TMTC3: variants seen among roughly 807,000 people sequenced by gnomAD.
TMTC3 encodes transmembrane O-mannosyltransferase targeting cadherins 3.
In TMTC3, 52 loss-of-function variants were observed where a neutral mutation model predicts 92.2. That is an observed-to-expected ratio of 0.56 (90% CI 0.45 to 0.71). The LOEUF is 0.71. Among genes scored for constraint, TMTC3 ranks in the 30% least tolerant of loss-of-function variants. The pLI is 0.00. For synonymous variants in TMTC3, 339 were observed against 363.3 expected, an observed-to-expected ratio of 0.93 and a Z score of 0.76; for missense variants, 896 against 1,057.1, an observed-to-expected ratio of 0.85 and a Z score of 2.11.
chr12:88,174,701 T>C lies in TMTC3; in HGVS notation c.1294T>C (p.Tyr432His). Residue 432 changes from tyrosine (Y) to histidine (H), a missense_variant, in exon 9 of 14, where the codon TAT becomes CAT. Tyr to His is a moderately conservative substitution (Grantham distance 83, BLOSUM62 2). Transcript: ENST00000266712. ...CAGAAATTGGGATTGGGAGTCTGAA[T>C]ATACATTGTTTATGTCAGCCTTGAA... ...FHRNWDWESE[Y>H]TLFMSALKVN... 1 of 1,612,606 alleles carries C rather than the reference T, an allele frequency of 6.2e-7. No homozygotes were observed. The highest frequency in any genetic ancestry group is 8.5e-7 in the Non-Finnish European group (1 of 1,179,016).
intron 4 of TMTC3, among the ~76,000 whole-genome samples, chr12:88,157,865 G>C (rs950502491): frequency 6.6e-6 from 1 of 152,144 alleles, no homozygotes; most frequent in Admixed American, 6.5e-5. Context: ...ACTAGAGGCT[G>C]AAGAACTGAA....
intron 8 of TMTC3, among the ~76,000 whole-genome samples, chr12:88,173,596 T>C (rs2041228355): frequency 6.6e-6 from 1 of 152,062 alleles, no homozygotes; most frequent in Non-Finnish European, 1.5e-5. Flanking sequence ...TTTTTCAAAG[T>C]CTTATGGCCA....
chr12:88,171,459 G>A (rs1260463653), intron 7 of TMTC3, among the ~76,000 whole-genome samples: 1 of 152,076 alleles, frequency 6.6e-6, no homozygotes, highest in Non-Finnish European at 1.5e-5. Context: ...TGCGTTGTTT[G>A]TCTTTCTGTG....
Position 88,154,312 on chromosome 12 carries a change from G to T in TMTC3, c.433G>T (p.Glu145Ter). ...EAVTGVVGRAELLSSIFFLAA... is the reference protein window; with the variant it reads ...EAVTGVVGRA ...GGTAACAGGAGTTGTTGGAAGAGCA[G>T]AACTTTTGTCATCTATCTTTTTTCT... Residue 145 changes from glutamate to a stop codon, truncating the protein, a stop_gained, in exon 4 of 14, where the codon GAA (glutamate) becomes TAA (stop). Transcript: ENST00000266712. LOFTEE classifies it high-confidence loss of function. 6.2e-7 allele frequency: 1 copy of T among 1,606,808 alleles called. No individual in the cohort carries two copies. The highest frequency in any genetic ancestry group is 1.1e-5 in the South Asian group (1 of 89,594).
chr12:88,198,307 A>C lies in TMTC3; in HGVS notation c.*2658A>C. ...TGGTTCAGAGTTCTGATCATATGGA[A>C]GTTTGGAAAAGAGAGCTTATCACAG... On this transcript the variant is annotated 3_prime_UTR_variant, in exon 14 of 14. Coordinates refer to ENST00000266712, the MANE Select transcript of TMTC3 (RefSeq NM_181783.4). 2.5e-6 allele frequency: 1 copy of C among 397,876 alleles called. No homozygotes were observed. The allele number at this position is 397,876 out of a possible 1,614,324, so 24.6% of individuals were successfully genotyped here. A position where few individuals can be genotyped will look rare whatever the true frequency, so the allele number is the denominator to read the frequency against.
chr12:88,197,310 CCAG>C lies in TMTC3; in HGVS notation c.*1662_*1664del, dbSNP rs2041526185. The stretch of plus-strand genomic sequence containing the variant: ...AGGTAGTTTAAAGCAAGCACTGATA[CCAG>C]TGGGAGTTGGTCTTGATCTAGGAGA... On this transcript the variant is annotated 3_prime_UTR_variant, in exon 14 of 14. Transcript: ENST00000266712. 7.2e-6 allele frequency: 1 copy of C among 138,800 alleles called. No individual in the cohort carries two copies. The highest frequency in any genetic ancestry group is 2.7e-5 in the African/African-American group (1 of 36,754). 8.6% of individuals were successfully genotyped at this position (138,800 alleles called of 1,614,324 possible). A position where few individuals can be genotyped will look rare whatever the true frequency, so the allele number is the denominator to read the frequency against.
intron 6 of TMTC3, among the ~76,000 whole-genome samples, chr12:88,161,483 G>C (rs927670316): frequency 1.4e-4 from 22 of 151,954 alleles, no homozygotes; most frequent in Middle Eastern, 6.8e-3. Flanking sequence ...ATACAATTTG[G>C]TCTTCTTTTG....
chr12:88,172,555 A>T (rs778274647), intron 7 of TMTC3, 42 bp from the exon 8 acceptor site: 28 of 1,108,252 alleles, frequency 2.5e-5, no homozygotes, highest in Non-Finnish European at 2.3e-5. Flanking sequence ...AAATTATTTT[A>T]AATTTATTAT....
chr12:88,150,743 T>G (rs1038496897), intron 2 of TMTC3, among the ~76,000 whole-genome samples: 3 of 152,166 alleles, frequency 2.0e-5, no homozygotes, highest in Non-Finnish European at 4.4e-5. Flanking sequence ...ATTAGCATAT[T>G]CAAAGATCTA....
chr12:88,148,141 G>A lies in TMTC3; in HGVS notation c.-28-147G>A, dbSNP rs192581234. The A allele has an allele frequency of 1.6e-3, 871 of 544,882 alleles. 4 individuals carry two copies. Among genetic ancestry groups the A allele is most frequent in the African/African-American group, 0.015 (776 of 52,284 alleles). 33.8% of individuals were successfully genotyped at this position (544,882 alleles called of 1,614,324 possible). A position where few individuals can be genotyped will look rare whatever the true frequency, so the allele number is the denominator to read the frequency against. On this transcript the variant is annotated intron_variant, in intron 1 of 13. Transcript: ENST00000266712. Reference sequence around the variant, plus strand: ...AGATGGGGCTGAGTTTCAACAATGTGACTAGCTTATGCTTCTTAGAAGTGG... The same window carrying A: ...AGATGGGGCTGAGTTTCAACAATGTAACTAGCTTATGCTTCTTAGAAGTGG...
intron 4 of TMTC3, among the ~76,000 whole-genome samples, chr12:88,156,162 T>A (rs1592726195): frequency 6.6e-6 from 1 of 152,186 alleles, no homozygotes; most frequent in Non-Finnish European, 1.5e-5. Context: ...TAATTCTGAT[T>A]TAGTAGTATA....
chr12:88,145,934 G>T (rs901301926), intron 1 of TMTC3, among the ~76,000 whole-genome samples: 4 of 152,060 alleles, frequency 2.6e-5, no homozygotes, highest in Middle Eastern at 3.2e-3. Context: ...TGGATTTTGT[G>T]CACATATATA....
intron 1 of TMTC3, among the ~76,000 whole-genome samples, chr12:88,145,510 T>G (rs1377156556): frequency 2.0e-5 from 3 of 152,210 alleles, no homozygotes; most frequent in Non-Finnish European, 2.9e-5. Flanking sequence ...AAGTTTATTT[T>G]GCCAAGGTTA....
rs1009341936 is a variant in TMTC3, at chr12:88,198,930, A to G, written c.*3281A>G. On this transcript the variant is annotated 3_prime_UTR_variant, in exon 14 of 14. Transcript: ENST00000266712. The stretch of plus-strand genomic sequence containing the variant: ...CGCCAGCCATTCATGTAGAGAGTTT[A>G]TAAGAAAATAATTTAAAATTGTATG... 1 of 152,188 alleles carries G rather than the reference A, an allele frequency of 6.6e-6. No individual in the cohort carries two copies. The highest frequency in any genetic ancestry group is 2.4e-5 in the African/African-American group (1 of 41,466). 9.4% of individuals were successfully genotyped at this position (152,188 alleles called of 1,614,324 possible). A position where few individuals can be genotyped will look rare whatever the true frequency, so the allele number is the denominator to read the frequency against.
chr12:88,180,324 T>G (rs577521703), intron 10 of TMTC3, among the ~76,000 whole-genome samples: 2 of 152,128 alleles, frequency 1.3e-5, no homozygotes, highest in African/African-American at 2.4e-5. Flanking sequence ...ACTGGGGGTA[T>G]GTTAATCCCT....
At chr12:88,157,142 A>G (rs1299304246) in intron 4 of TMTC3, among the ~76,000 whole-genome samples, 1 of 152,012 alleles carries the variant, frequency 6.6e-6, no homozygotes, top group Non-Finnish European at 1.5e-5. Context: ...GGTGTTTAGT[A>G]TGAGTATATT....
chr12:88,146,008 A>G (rs980712024), intron 1 of TMTC3, among the ~76,000 whole-genome samples: 1 of 152,176 alleles, frequency 6.6e-6, no homozygotes, highest in Non-Finnish European at 1.5e-5. Context: ...CTGCATCTGT[A>G]AGTCTGCTTC....
intron 10 of TMTC3, 142 bp from the exon 11 acceptor site, chr12:88,188,701 G>C: frequency 2.1e-6 from 1 of 487,288 alleles, no homozygotes; most frequent in Non-Finnish European, 3.6e-6. Context: ...TTTTTGCCTA[G>C]TGTGTTTGTT....
chr12:88,189,313 C>G (rs1002801815), intron 11 of TMTC3, among the ~76,000 whole-genome samples: 1 of 151,912 alleles, frequency 6.6e-6, no homozygotes, highest in African/African-American at 2.4e-5. Flanking sequence ...AGGCTGGTCT[C>G]GAACTCCAGA....
Sources: allele counts gnomAD v4.1 joint callset (sites outside exome capture counted in the v4.1 genomes callset), GRCh38; gene constraint gnomAD v4.1.1; transcripts MANE v1.5; gene names NCBI Gene and HGNC (gene_info 2026-07-23, HGNC 2026-07-21).